CSRNP3: variants seen among roughly 807,000 people sequenced by gnomAD.
The protein encoded by CSRNP3 is cysteine and serine rich nuclear protein 3, also known as cysteine/serine-rich nuclear protein 3.
A neutral mutation model predicts 48.0 loss-of-function variants in CSRNP3; 12 were observed. The ratio of observed to expected loss-of-function variants is 0.25; its 90% CI spans 0.16 to 0.41. The LOEUF (loss-of-function observed/expected upper bound fraction) is 0.41, where lower values mean the gene tolerates loss of function less well. Ranked by LOEUF, CSRNP3 falls within the 10% of genes least tolerant of loss-of-function variation. The pLI is 1.00. For synonymous variants in CSRNP3, 263 were observed against 269.7 expected (o/e 0.98, Z 0.24); for missense variants, 580 against 724.4 (o/e 0.80, Z 2.29).
chr2:165,511,951 G>C (rs1016959180), intron 2 of CSRNP3, among the ~76,000 whole-genome samples: 3 of 152,164 alleles, frequency 2.0e-5, no homozygotes, highest in African/African-American at 7.2e-5. Context: ...TTGAAGAAGA[G>C]AGAGAGAAAG....
intron 3 of CSRNP3, among the ~76,000 whole-genome samples, chr2:165,536,392 G>A (rs1199240653): frequency 1.3e-5 from 2 of 151,710 alleles, no homozygotes; most frequent in African/African-American, 4.8e-5. Context: ...TCTGACTAAG[G>A]TTTCCACAAT....
intron 1 of CSRNP3, among the ~76,000 whole-genome samples, chr2:165,476,004 T>C (rs562640525): frequency 6.6e-6 from 1 of 152,308 alleles, no homozygotes; most frequent in African/African-American, 2.4e-5. Flanking sequence ...TAATTAACTG[T>C]AATTGTTATA....
chr2:165,646,689 G>A lies in CSRNP3; in HGVS notation c.149-11072G>A, dbSNP rs559342602. Reference sequence around the variant, plus strand: ...ATTGCCCTCTTGGTTGCAACAGCGCGGGTATTCTGCTGAGGAGCCATATGG... The same window carrying A: ...ATTGCCCTCTTGGTTGCAACAGCGCAGGTATTCTGCTGAGGAGCCATATGG... On this transcript the variant is annotated intron_variant, in intron 4 of 6. Transcript: ENST00000651982. Among the ~76,000 whole-genome samples the A allele has an allele frequency of 2.0e-4, 30 of 152,194 alleles. No individual in the cohort carries two copies. The South Asian group carries it at 3.3e-3, about 17-fold the overall frequency.
Position 165,685,390 on chromosome 2 carries a change from AGTCTAAGT to A in CSRNP3, c.*5638_*5645del, listed in dbSNP as rs1450656804. ...TTACCTGGTGATCAGTTCTCAGGCTAGTCTAAGTCTGTGCTGTCTTGGCATGCCTTGGG... is the reference window on the plus strand; with the variant it reads ...TTACCTGGTGATCAGTTCTCAGGCTACTGTGCTGTCTTGGCATGCCTTGGG... On this transcript the variant is annotated 3_prime_UTR_variant, in exon 7 of 7. Coordinates refer to ENST00000651982, the MANE Select transcript of CSRNP3 (RefSeq NM_001172173.2). 4.6e-5 allele frequency: 7 copies of A among 152,054 alleles called. No homozygotes were observed. The highest frequency in any genetic ancestry group is 1.7e-4 in the African/African-American group (7 of 41,438). The allele number at this position is 152,054 out of a possible 1,614,324, so 9.4% of individuals were successfully genotyped here.
intron 4 of CSRNP3, among the ~76,000 whole-genome samples, chr2:165,636,956 A>G (rs189830653): frequency 1.3e-5 from 2 of 152,266 alleles, no homozygotes; most frequent in Non-Finnish European, 2.9e-5. Flanking sequence ...CAGCATTCCT[A>G]TTCACAATGT....
rs533496720 is a variant in CSRNP3 at position 165,614,605 on chromosome 2, A to G, written c.148+19392A>G. ...TATTGTGTTGATCTATGTTCCTTCT[A>G]TATCTAATTTCTTGACAGTTTTTAA... On this transcript the variant is annotated intron_variant, in intron 4 of 6. Transcript: ENST00000651982. 3.9e-5 allele frequency among the ~76,000 whole-genome samples: 6 copies of G among 152,138 alleles called. No individual in the cohort carries two copies. The East Asian group carries it at 9.7e-4, about 25-fold the overall frequency.
rs1341285063 is a variant in CSRNP3, at chr2:165,678,949, G to A, written c.954G>A (p.Glu318=). Residue 318 remains glutamate (E), a synonymous_variant, in exon 7 of 7, where the codon GAG becomes GAA. Transcript: ENST00000651982. ...SVEYSIADSF[E]IETEPQAAVL... ...AATATTCAATCGCAGACAGTTTTGA[G>A]ATTGAAACTGAGCCCCAGGCTGCAG... 1.2e-6 allele frequency: 2 copies of A among 1,613,908 alleles called. No homozygotes were observed. Among genetic ancestry groups the A allele is most frequent in the African/African-American group, 2.7e-5 (2 of 74,914 alleles).
intron 3 of CSRNP3, among the ~76,000 whole-genome samples, chr2:165,576,296 G>A (rs1259393499): frequency 6.6e-6 from 1 of 151,718 alleles, no homozygotes; most frequent in African/African-American, 2.4e-5. Flanking sequence ...TTCTTAAAAT[G>A]TTTAATTTTA....
chr2:165,534,201 C>G (rs944017787), intron 3 of CSRNP3, among the ~76,000 whole-genome samples: 2 of 151,966 alleles, frequency 1.3e-5, no homozygotes, highest in Non-Finnish European at 2.9e-5. Context: ...AACCTGAGAA[C>G]TGAAATATGT....
chr2:165,667,444 T>A (rs1488698035), intron 5 of CSRNP3, among the ~76,000 whole-genome samples: 2 of 151,988 alleles, frequency 1.3e-5, no homozygotes, highest in Non-Finnish European at 2.9e-5. Flanking sequence ...CAGAACTAGC[T>A]TTTTTTTAAA....
Position 165,609,704 on chromosome 2 carries a change from A to C in CSRNP3, c.148+14491A>C, listed in dbSNP as rs546834320. ...ATATTTTCAAGGAGGGACATCGTACATTTTATTAATAGTTATTCAGAAATT... is the reference window on the plus strand; with the variant it reads ...ATATTTTCAAGGAGGGACATCGTACCTTTTATTAATAGTTATTCAGAAATT... On this transcript the variant is annotated intron_variant, in intron 4 of 6. Transcript: ENST00000651982. Among the ~76,000 whole-genome samples the C allele has an allele frequency of 2.0e-5, 3 of 152,298 alleles. No individual in the cohort carries two copies. In the East Asian group the frequency reaches 5.8e-4, roughly 29 times the overall value.
chr2:165,605,250 A>G (rs1025955928), intron 4 of CSRNP3, among the ~76,000 whole-genome samples: 4 of 151,912 alleles, frequency 2.6e-5, no homozygotes, highest in Non-Finnish European at 5.9e-5. Context: ...TCCATCTCCA[A>G]ACTCCAGCCA....
chr2:165,629,551 A>T (rs1686497437), intron 4 of CSRNP3, among the ~76,000 whole-genome samples: 1 of 152,218 alleles, frequency 6.6e-6, no homozygotes, highest in Non-Finnish European at 1.5e-5. Flanking sequence ...TCTGTGAGGC[A>T]GCTGAGGCAT....
chr2:165,582,857 C>T (rs1227846063), intron 3 of CSRNP3, among the ~76,000 whole-genome samples: 7 of 152,130 alleles, frequency 4.6e-5, no homozygotes, highest in Non-Finnish European at 8.8e-5. Flanking sequence ...TGTGATCTAC[C>T]GCATATAAAG....
chr2:165,638,932 A>C (rs1430948455), intron 4 of CSRNP3, among the ~76,000 whole-genome samples: 1 of 152,156 alleles, frequency 6.6e-6, no homozygotes, highest in Non-Finnish European at 1.5e-5. Flanking sequence ...CTCCTGGGGG[A>C]AATACAGGGT....
At chr2:165,637,327 T>C (rs1160975664) in intron 4 of CSRNP3, among the ~76,000 whole-genome samples, 1 of 152,202 alleles carries the variant, frequency 6.6e-6, no homozygotes, top group Non-Finnish European at 1.5e-5. Context: ...GGTCTTTATA[T>C]AGAGATTTGG....
chr2:165,555,142 C>A (rs1366936260), intron 3 of CSRNP3, among the ~76,000 whole-genome samples: 1 of 152,142 alleles, frequency 6.6e-6, no homozygotes. Context: ...GAATTGCTTA[C>A]CACCCCCTCC....
At chr2:165,500,176 C>T (rs1392999706) in intron 2 of CSRNP3, among the ~76,000 whole-genome samples, 1 of 151,492 alleles carries the variant, frequency 6.6e-6, no homozygotes, top group Non-Finnish European at 1.5e-5. Context: ...TGGTGAGACC[C>T]AGTCTGTGGT....
Position 165,679,650 on chromosome 2 carries a change from A to G in CSRNP3, c.1655A>G (p.His552Arg). 1 of 1,614,180 alleles carries G rather than the reference A, an allele frequency of 6.2e-7. No individual in the cohort carries two copies. The highest frequency in any genetic ancestry group is 8.5e-7 in the Non-Finnish European group (1 of 1,180,008). Reference sequence around the variant, plus strand: ...GTCTCTGCATTGAATGGTGACAGTCACATTTCAGAGCATCCTGCTGAAAAT... The same window carrying G: ...GTCTCTGCATTGAATGGTGACAGTCGCATTTCAGAGCATCCTGCTGAAAAT... ...GFVSALNGDS[H>R]ISEHPAENSL... Residue 552 changes from histidine (H) to arginine (R), a missense_variant, in exon 7 of 7, where the codon CAC becomes CGC. By Grantham distance (29) the His-to-Arg change is conservative. Coordinates refer to ENST00000651982, the MANE Select transcript of CSRNP3 (RefSeq NM_001172173.2).
Sources: gnomAD v4.1 joint callset for allele counts (sites outside exome capture counted in the v4.1 genomes callset) on GRCh38, gnomAD v4.1.1 for gene constraint, MANE v1.5 for transcripts, NCBI Gene and HGNC (gene_info 2026-07-23, HGNC 2026-07-21) for gene names.